Variants in SUCLG2 observed in about 807,000 individuals in gnomAD.
SUCLG2 encodes succinate--CoA ligase [GDP-forming] subunit beta, mitochondrial.
A neutral mutation model predicts 47.9 loss-of-function variants in SUCLG2; 42 were observed. The ratio of observed to expected loss-of-function variants is 0.88; its 90% CI spans 0.69 to 1.14. SUCLG2 has a LOEUF of 1.14. Ranked by LOEUF, SUCLG2 falls within the 50% of genes most tolerant of loss-of-function variation. SUCLG2 has a pLI of 0.00. For missense variants in SUCLG2, 571 were observed against 525.9 expected, an observed-to-expected ratio of 1.09 and a Z score of -0.84; for synonymous variants, 195 against 197.3, an observed-to-expected ratio of 0.99 and a Z score of 0.10.
intron 9 of SUCLG2, among the ~76,000 whole-genome samples, chr3:67,447,880 C>T (rs1214593878): frequency 3.9e-5 from 6 of 152,090 alleles, no homozygotes; most frequent in Admixed American, 3.9e-4. Context: ...AGACATGTGC[C>T]ACCATGGCCG....
At chr3:67,545,099 G>A (rs1302396416) in intron 2 of SUCLG2, among the ~76,000 whole-genome samples, 1 of 151,956 alleles carries the variant, frequency 6.6e-6, no homozygotes, top group East Asian at 1.9e-4. Context: ...TTCCTCAAGG[G>A]GTCAGTGAGA....
intron 6 of SUCLG2, among the ~76,000 whole-genome samples, chr3:67,515,276 T>C (rs1008223588): frequency 4.6e-5 from 7 of 152,212 alleles, no homozygotes; most frequent in Admixed American, 3.9e-4. Flanking sequence ...AAAAAGAGTA[T>C]ATATAGGGTT....
intron 9 of SUCLG2, among the ~76,000 whole-genome samples, chr3:67,478,970 T>C (rs1704840796): frequency 6.6e-6 from 1 of 152,230 alleles, no homozygotes; most frequent in African/African-American, 2.4e-5. Context: ...AACACCACTG[T>C]GCAGTGGCTA....
intron 9 of SUCLG2, among the ~76,000 whole-genome samples, chr3:67,425,382 T>G (rs545168237): frequency 6.6e-6 from 1 of 152,184 alleles, no homozygotes; most frequent in Non-Finnish European, 1.5e-5. Context: ...TATCCGGATA[T>G]CTGGTAAAAC....
chr3:67,530,306 C>T (rs1358177398), intron 2 of SUCLG2, among the ~76,000 whole-genome samples: 1 of 152,184 alleles, frequency 6.6e-6, no homozygotes, highest in Non-Finnish European at 1.5e-5. Flanking sequence ...AATGAACACA[C>T]ATGAATGCTT....
At chr3:67,458,022 A>T (rs977622595) in intron 9 of SUCLG2, among the ~76,000 whole-genome samples, 1 of 152,070 alleles carries the variant, frequency 6.6e-6, no homozygotes, top group African/African-American at 2.4e-5. Context: ...TCAGATGCTT[A>T]AGGGCCACAT....
At chr3:67,400,189 CATT>C (rs1559512025) in intron 10 of SUCLG2, among the ~76,000 whole-genome samples, 1 of 151,834 alleles carries the variant, frequency 6.6e-6, no homozygotes, top group Non-Finnish European at 1.5e-5. Flanking sequence ...AAAACAATGT[CATT>C]ATTCTTACTA....
intron 9 of SUCLG2, among the ~76,000 whole-genome samples, chr3:67,403,500 T>C (rs145817904): frequency 4.9e-4 from 74 of 150,950 alleles, no homozygotes; most frequent in African/African-American, 1.7e-3. Context: ...TTTTGGGATA[T>C]GGAGAAGGAT....
rs117911741 is a variant in SUCLG2 at position 67,424,894 on chromosome 3, C to T, written c.1063-24043G>A. ...GCATTCCACTTTTAGCCAATCTGAA[C>T]AATCTCTTTACTGTATTCTCCTGCT... On this transcript the variant is annotated intron_variant, in intron 9 of 10. Transcript: ENST00000307227. Among the ~76,000 whole-genome samples the T allele has an allele frequency of 1.6e-4, 25 of 152,188 alleles. No homozygotes were observed. In the East Asian group the frequency reaches 3.3e-3, roughly 20 times the overall value.
chr3:67,377,323 T>C (rs1297718829), intron 10 of SUCLG2, among the ~76,000 whole-genome samples: 4 of 152,224 alleles, frequency 2.6e-5, no homozygotes, highest in Non-Finnish European at 5.9e-5. Flanking sequence ...GTATAGATTG[T>C]GATGAGAAGC....
intron 9 of SUCLG2, among the ~76,000 whole-genome samples, chr3:67,436,983 A>G (rs1703639952): frequency 1.3e-5 from 2 of 152,102 alleles, no homozygotes. Flanking sequence ...AAAATAATAT[A>G]TGATCAAGAT....
chr3:67,467,487 A>T (rs1273131447), intron 9 of SUCLG2, among the ~76,000 whole-genome samples: 1 of 152,244 alleles, frequency 6.6e-6, no homozygotes, highest in Non-Finnish European at 1.5e-5. Flanking sequence ...GCCTGCAATG[A>T]CAGACTTTTC....
chr3:67,626,971 T>C (rs1205419250), intron 1 of SUCLG2, among the ~76,000 whole-genome samples: 1 of 140,532 alleles, frequency 7.1e-6, no homozygotes, highest in Non-Finnish European at 1.5e-5. Flanking sequence ...GAGGACAGTA[T>C]ATGTATCAAA....
At chr3:67,504,406 A>G (rs1246693019) in intron 7 of SUCLG2, among the ~76,000 whole-genome samples, 1 of 152,198 alleles carries the variant, frequency 6.6e-6, no homozygotes, top group Non-Finnish European at 1.5e-5. Flanking sequence ...CGAAGAAAGA[A>G]AGGAATTTGA....
At chr3:67,565,607 T>C (rs935050396) in intron 2 of SUCLG2, among the ~76,000 whole-genome samples, 1 of 152,202 alleles carries the variant, frequency 6.6e-6, no homozygotes, top group African/African-American at 2.4e-5. Context: ...TCTGACTCTC[T>C]AGCTAAAGTT....
At chr3:67,432,237 G>A (rs1371165518) in intron 9 of SUCLG2, among the ~76,000 whole-genome samples, 3 of 152,136 alleles carry the variant, frequency 2.0e-5, no homozygotes, top group African/African-American at 7.2e-5. Context: ...TTGTTTTGCT[G>A]GTTTATTAAA....
intron 10 of SUCLG2, among the ~76,000 whole-genome samples, chr3:67,377,248 C>T (rs549635937): frequency 7.5e-4 from 115 of 152,326 alleles, no homozygotes; most frequent in African/African-American, 2.7e-3. Flanking sequence ...ATTATAAACG[C>T]TGCATGTTCT....
chr3:67,564,180 CAG>C (rs1300974187), intron 2 of SUCLG2, among the ~76,000 whole-genome samples: 1 of 152,166 alleles, frequency 6.6e-6, no homozygotes, highest in Non-Finnish European at 1.5e-5. Flanking sequence ...CTTCTGTAAA[CAG>C]AGCGGCTGCC....
chr3:67,573,238 A>T (rs1196002580), intron 2 of SUCLG2, among the ~76,000 whole-genome samples: 1 of 152,214 alleles, frequency 6.6e-6, no homozygotes, highest in Non-Finnish European at 1.5e-5. Flanking sequence ...TACTCCCACA[A>T]TTGATGTACA....
Sources: gnomAD v4.1 joint callset for allele counts (sites outside exome capture counted in the v4.1 genomes callset) on GRCh38, gnomAD v4.1.1 for gene constraint, MANE v1.5 for transcripts, NCBI Gene and HGNC (gene_info 2026-07-23, HGNC 2026-07-21) for gene names.